The following ERC2 variants were observed in gnomAD, a reference collection of about 807,000 sequenced individuals.
ERC2 encodes ELKS/RAB6-interacting/CAST family member 2.
In ERC2, 42 loss-of-function variants were observed where a neutral mutation model predicts 114.8. That is an observed-to-expected ratio of 0.37 (90% CI 0.29 to 0.47). The LOEUF is 0.47. ERC2 is among the 20% of genes least tolerant of loss of function. The pLI is 0.99. For synonymous variants in ERC2, 454 were observed against 425.5 expected (o/e 1.07, Z -0.82); for missense variants, 939 against 1,150.7 (o/e 0.82, Z 2.66).
intron 3 of ERC2, among the ~76,000 whole-genome samples, chr3:56,269,099 C>G (rs1314204635): frequency 6.6e-6 from 1 of 152,138 alleles, no homozygotes; most frequent in Non-Finnish European, 1.5e-5. Context: ...TAAGTACTAG[C>G]ACTTTGGCTA....
At chr3:55,584,323 A>G (rs1018957100) in intron 17 of ERC2, among the ~76,000 whole-genome samples, 1 of 152,140 alleles carries the variant, frequency 6.6e-6, no homozygotes, top group Non-Finnish European at 1.5e-5. Flanking sequence ...GAGCTTTAAT[A>G]AGGACTTAAA....
intron 4 of ERC2, among the ~76,000 whole-genome samples, chr3:56,151,205 T>A (rs565492470): frequency 2.6e-4 from 40 of 152,280 alleles, no homozygotes; most frequent in African/African-American, 8.9e-4. Flanking sequence ...TAGCTGGGAT[T>A]ACCAGCCTGC....
intron 12 of ERC2, among the ~76,000 whole-genome samples, chr3:55,967,612 C>T (rs946033329): frequency 2.6e-5 from 4 of 152,178 alleles, no homozygotes; most frequent in Non-Finnish European, 5.9e-5. Flanking sequence ...ATCTTCAAAG[C>T]CCAACCCATG....
chr3:56,252,138 G>A (rs2052202769), intron 3 of ERC2, among the ~76,000 whole-genome samples: 1 of 152,106 alleles, frequency 6.6e-6, no homozygotes, highest in African/African-American at 2.4e-5. Flanking sequence ...GAGGTCTGGA[G>A]GCTTCATGCT....
intron 7 of ERC2, among the ~76,000 whole-genome samples, chr3:56,071,725 C>T (rs1002614547): frequency 1.1e-4 from 16 of 152,136 alleles, no homozygotes; most frequent in African/African-American, 3.6e-4. Context: ...TCAATGTCAT[C>T]TCTAGGAGAA....
At chr3:55,806,585 T>C (rs1441161447) in intron 14 of ERC2, among the ~76,000 whole-genome samples, 2 of 151,984 alleles carry the variant, frequency 1.3e-5, no homozygotes, top group African/African-American at 4.8e-5. Context: ...TTTGGCAATG[T>C]CTGGAGACAT....
chr3:55,748,155 A>G (rs2066428386), intron 14 of ERC2, among the ~76,000 whole-genome samples: 1 of 152,250 alleles, frequency 6.6e-6, no homozygotes, highest in Non-Finnish European at 1.5e-5. Context: ...TGTGGCTCAC[A>G]GAAGTGAAAT....
rs527449163 is a variant in ERC2, at chr3:55,726,539, T to C, written c.2712+8232A>G. 5.9e-5 allele frequency among the ~76,000 whole-genome samples: 9 copies of C among 152,364 alleles called. 1 individual carries two copies. In the South Asian group the frequency reaches 1.9e-3, roughly 32 times the overall value. ...AATTTTGACTAGGATTCCATCCTTG[T>C]AGGTGGCTCTCCTGAACACATTCCA... On this transcript the variant is annotated intron_variant, in intron 15 of 17. Coordinates refer to ENST00000288221, the MANE Select transcript of ERC2 (RefSeq NM_015576.3).
rs1327302483 is a variant in ERC2, at chr3:56,292,348, C to A, written c.1074+3671G>T. ...CCTGTAATCCCAGCACTTTGGAAGG[C>A]TGAGGCAGGCAGATCGCTTGAGCTC... On this transcript the variant is annotated intron_variant, in intron 3 of 17. Coordinates refer to ENST00000288221, the MANE Select transcript of ERC2 (RefSeq NM_015576.3). Among the ~76,000 whole-genome samples, 12 of 151,074 alleles carry A rather than the reference C, an allele frequency of 7.9e-5. No individual in the cohort carries two copies. In the South Asian group the frequency reaches 2.5e-3, roughly 32 times the overall value.
At chr3:56,004,255 A>G (rs2072297646) in intron 10 of ERC2, among the ~76,000 whole-genome samples, 1 of 152,046 alleles carries the variant, frequency 6.6e-6, no homozygotes, top group Non-Finnish European at 1.5e-5. Flanking sequence ...TCCATACGTC[A>G]ATTATCAGCC....
chr3:55,804,270 T>C (rs1273472038), intron 14 of ERC2, among the ~76,000 whole-genome samples: 1 of 152,198 alleles, frequency 6.6e-6, no homozygotes, highest in Non-Finnish European at 1.5e-5. Flanking sequence ...AGGGTAACTT[T>C]ACAGCTTGGC....
intron 17 of ERC2, among the ~76,000 whole-genome samples, chr3:55,536,882 C>A (rs1344823423): frequency 1.3e-5 from 2 of 152,204 alleles, no homozygotes; most frequent in Non-Finnish European, 2.9e-5. Flanking sequence ...CAAGCTTTTG[C>A]CTTGAAATTA....
At chr3:56,244,632 T>C (rs1444587719) in intron 3 of ERC2, among the ~76,000 whole-genome samples, 2 of 152,066 alleles carry the variant, frequency 1.3e-5, no homozygotes, top group Non-Finnish European at 2.9e-5. Flanking sequence ...GTAAAAAAAA[T>C]TAACAGAAAA....
chr3:55,676,083 A>G (rs1203376486), intron 17 of ERC2, among the ~76,000 whole-genome samples: 1 of 150,918 alleles, frequency 6.6e-6, no homozygotes, highest in East Asian at 1.9e-4. Context: ...ACTACGCCCA[A>G]CTAATTTTTT....
intron 12 of ERC2, among the ~76,000 whole-genome samples, chr3:55,970,344 T>C (rs1011262055): frequency 4.6e-5 from 7 of 151,936 alleles, no homozygotes; most frequent in Non-Finnish European, 8.8e-5. Context: ...TAAAAGGACA[T>C]ATCAAATACT....
intron 7 of ERC2, among the ~76,000 whole-genome samples, chr3:56,059,839 T>G (rs1441648079): frequency 6.6e-6 from 1 of 152,240 alleles, no homozygotes; most frequent in African/African-American, 2.4e-5. Context: ...CCGATGGCAA[T>G]GAAAATAATT....
At chr3:55,798,097 G>A (rs2070664273) in intron 14 of ERC2, among the ~76,000 whole-genome samples, 1 of 152,046 alleles carries the variant, frequency 6.6e-6, no homozygotes, top group African/African-American at 2.4e-5. Flanking sequence ...GGAAAGTCTA[G>A]CACATTCATA....
chr3:55,754,563 G>GA (rs912930647), intron 14 of ERC2, among the ~76,000 whole-genome samples: 1 of 51,054 alleles, frequency 2.0e-5, no homozygotes, highest in Admixed American at 1.7e-4. Context: ...ATTTGCTTGA[G>GA]AAAAAAACCC....
rs561845206 is a variant in ERC2, at chr3:56,415,749, C to A, written c.657+18602G>T. On this transcript the variant is annotated intron_variant, in intron 2 of 17. Transcript: ENST00000288221. ...TTCTCCTGGGGAAATGCTGGTAGCT[C>A]CTGTCTCCACCAAGCATGGTAATGG... Among the ~76,000 whole-genome samples the A allele has an allele frequency of 3.9e-5, 6 of 152,300 alleles. No homozygotes were observed. In the South Asian group the frequency reaches 1.2e-3, roughly 32 times the overall value.
Sources: allele counts gnomAD v4.1 joint callset (sites outside exome capture counted in the v4.1 genomes callset), GRCh38; gene constraint gnomAD v4.1.1; transcripts MANE v1.5; gene names NCBI Gene and HGNC (gene_info 2026-07-23, HGNC 2026-07-21).